The following GHR variants were observed in gnomAD, a reference collection of about 807,000 sequenced individuals.
GHR encodes growth hormone receptor, also known as GH receptor.
In GHR, 35 loss-of-function variants were observed where a neutral mutation model predicts 67.1. That is an observed-to-expected ratio of 0.52 (90% CI 0.40 to 0.69). GHR has a LOEUF of 0.69. GHR is among the 30% of genes least tolerant of loss of function. GHR has a pLI of 0.00. For missense variants in GHR, 792 were observed against 764.6 expected, an observed-to-expected ratio of 1.04 and a Z score of -0.42; for synonymous variants, 272 against 269.1, an observed-to-expected ratio of 1.01 and a Z score of -0.10.
At chr5:42,585,638 C>A (rs529912157) in intron 2 of GHR, among the ~76,000 whole-genome samples, 2 of 152,206 alleles carry the variant, frequency 1.3e-5, no homozygotes, top group African/African-American at 2.4e-5. Context: ...TGTTTTGAAT[C>A]AAAAATTTTT....
chr5:42,557,625 G>A (rs1749382009), intron 1 of GHR, among the ~76,000 whole-genome samples: 1 of 152,102 alleles, frequency 6.6e-6, no homozygotes, highest in Non-Finnish European at 1.5e-5. Context: ...TGGTAGAGCT[G>A]GGATTTGAAC....
chr5:42,717,039 C>A (rs1213282758), intron 8 of GHR, among the ~76,000 whole-genome samples: 1 of 152,172 alleles, frequency 6.6e-6, no homozygotes, highest in Non-Finnish European at 1.5e-5. Context: ...GATACAATGG[C>A]TTATAGCATA....
intron 3 of GHR, among the ~76,000 whole-genome samples, chr5:42,662,653 G>A (rs534268971): frequency 2.6e-5 from 4 of 152,128 alleles, no homozygotes; most frequent in African/African-American, 9.6e-5. Flanking sequence ...AGAGAAAGCA[G>A]GAAAGATCCA....
At chr5:42,468,185 C>T in intron 1 of GHR, 2 of 1,403,776 alleles carry the variant, frequency 1.4e-6, no homozygotes, top group Non-Finnish European at 2.0e-6. Flanking sequence ...TCCCCTGGGG[C>T]CCAGACTTTG....
chr5:42,659,859 G>C (rs1755478620), intron 3 of GHR, among the ~76,000 whole-genome samples: 1 of 152,142 alleles, frequency 6.6e-6, no homozygotes, highest in African/African-American at 2.4e-5. Flanking sequence ...CCGAGTCAAA[G>C]AAAGGGGTGA....
At chr5:42,492,972 A>G (rs1746175634) in intron 1 of GHR, among the ~76,000 whole-genome samples, 1 of 152,242 alleles carries the variant, frequency 6.6e-6, no homozygotes, top group African/African-American at 2.4e-5. Flanking sequence ...AGAATGTAAG[A>G]AATAGTTTGG....
chr5:42,431,281 T>G (rs1204856456), intron 1 of GHR, among the ~76,000 whole-genome samples: 2 of 152,196 alleles, frequency 1.3e-5, no homozygotes. Context: ...CAGAAAGTCT[T>G]TCTGAAATAT....
chr5:42,572,046 CA>C (rs1750353555), intron 2 of GHR, among the ~76,000 whole-genome samples: 1 of 152,140 alleles, frequency 6.6e-6, no homozygotes, highest in Non-Finnish European at 1.5e-5. Flanking sequence ...TCAGTCACCC[CA>C]GCAGCTTTTC....
At chr5:42,499,697 G>T (rs931991593) in intron 1 of GHR, among the ~76,000 whole-genome samples, 2 of 152,182 alleles carry the variant, frequency 1.3e-5, no homozygotes, top group Non-Finnish European at 2.9e-5. Flanking sequence ...AGGAGGGCTG[G>T]ACATGTTTTC....
chr5:42,708,291 C>T (rs1304816262), intron 6 of GHR, among the ~76,000 whole-genome samples: 3 of 151,872 alleles, frequency 2.0e-5, no homozygotes, highest in East Asian at 3.9e-4. Flanking sequence ...TATTCATTTA[C>T]GAAAATAGCA....
intron 2 of GHR, among the ~76,000 whole-genome samples, chr5:42,587,115 T>C (rs1751517976): frequency 6.6e-6 from 1 of 151,478 alleles, no homozygotes; most frequent in African/African-American, 2.4e-5. Flanking sequence ...CAAGCATTTT[T>C]AAACAGGATC....
chr5:42,687,427 A>T (rs571471864), intron 3 of GHR, among the ~76,000 whole-genome samples: 1 of 152,256 alleles, frequency 6.6e-6, no homozygotes, highest in African/African-American at 2.4e-5. Flanking sequence ...TTATTTTTCT[A>T]CATAGGATCC....
chr5:42,428,001 G>T (rs887610729), intron 1 of GHR, among the ~76,000 whole-genome samples: 15 of 152,324 alleles, frequency 9.8e-5, no homozygotes, highest in Admixed American at 2.6e-4. Context: ...GCTGGGGAAT[G>T]GTGGCCCTCT....
At chr5:42,491,497 C>T (rs529826661) in intron 1 of GHR, among the ~76,000 whole-genome samples, 45 of 152,288 alleles carry the variant, frequency 3.0e-4, no homozygotes, top group African/African-American at 1.0e-3. Flanking sequence ...ATTTCTGAGA[C>T]TCAGTTTCCT....
intron 3 of GHR, among the ~76,000 whole-genome samples, chr5:42,643,044 C>T (rs1016288151): frequency 6.6e-6 from 1 of 152,094 alleles, no homozygotes; most frequent in African/African-American, 2.4e-5. Context: ...CTGTAAAGAC[C>T]CTTTTTCCAA....
intron 1 of GHR, among the ~76,000 whole-genome samples, chr5:42,445,436 A>T (rs903246058): frequency 6.6e-6 from 1 of 152,230 alleles, no homozygotes; most frequent in Non-Finnish European, 1.5e-5. Flanking sequence ...GTTATCAGAA[A>T]ATATCCCACT....
chr5:42,718,335 A>G (rs1758826613), intron 9 of GHR, 118 bp from the exon 10 acceptor site: 1 of 806,750 alleles, frequency 1.2e-6, no homozygotes, highest in Admixed American at 2.2e-5. Flanking sequence ...GTTTTTTTAT[A>G]TGTTTTGTTA....
chr5:42,701,054 G>A lies in GHR; in HGVS notation c.618+1052G>A, dbSNP rs6886900. 0.042 allele frequency among the ~76,000 whole-genome samples: 6,449 copies of A among 152,266 alleles called. 190 individuals carry two copies. The highest frequency in any genetic ancestry group is 0.084 in the African/African-American group (3,482 of 41,544). On this transcript the variant is annotated intron_variant, in intron 6 of 9. Coordinates refer to ENST00000230882, the MANE Select transcript of GHR (RefSeq NM_000163.5). ...CTATGCAGAAGGCACTGTGCTAAAT[G>A]CCTGAGGTGGCGGTTCTCAAAGTGG...
intron 2 of GHR, among the ~76,000 whole-genome samples, chr5:42,573,297 G>T (rs1193659329): frequency 1.3e-5 from 2 of 152,176 alleles, no homozygotes; most frequent in African/African-American, 4.8e-5. Context: ...AGAAATAGCT[G>T]TGCCACTTTA....
Sources: allele counts gnomAD v4.1 joint callset (sites outside exome capture counted in the v4.1 genomes callset), GRCh38; gene constraint gnomAD v4.1.1; transcripts MANE v1.5; gene names NCBI Gene and HGNC (gene_info 2026-07-23, HGNC 2026-07-21).